DCDC1: variants seen among roughly 807,000 people sequenced by gnomAD.
DCDC1 encodes doublecortin domain-containing protein 1.
A neutral mutation model predicts 178.3 loss-of-function variants in DCDC1; 200 were observed. The ratio of observed to expected loss-of-function variants is 1.12; its 90% CI spans 1.00 to 1.26. DCDC1 has a LOEUF of 1.26. Ranked by LOEUF, DCDC1 falls within the 50% of genes most tolerant of loss-of-function variation. DCDC1 has a pLI of 0.00. For synonymous variants in DCDC1, 690 were observed against 604.8 expected (o/e 1.14, Z -2.07); for missense variants, 1,983 against 1,749.2 (o/e 1.13, Z -2.38).
intron 25 of DCDC1, among the ~76,000 whole-genome samples, chr11:30,918,821 C>T (rs902800043): frequency 6.6e-6 from 1 of 152,142 alleles, no homozygotes; most frequent in Non-Finnish European, 1.5e-5. Flanking sequence ...GTTTCCCCCA[C>T]TCTCTGTGTT....
intron 14 of DCDC1, among the ~76,000 whole-genome samples, chr11:31,103,210 T>C (rs1386703679): frequency 1.3e-5 from 2 of 152,194 alleles, no homozygotes; most frequent in African/African-American, 4.8e-5. Flanking sequence ...TTCCAACTCC[T>C]ACTCTTCACT....
intron 20 of DCDC1, among the ~76,000 whole-genome samples, chr11:30,963,273 G>C (rs76951664): frequency 0.031 from 4,736 of 152,210 alleles, 117 homozygotes; most frequent in Non-Finnish European, 0.046. Context: ...AGTAAAGACA[G>C]AGTTCGAGCT....
intron 9 of DCDC1, among the ~76,000 whole-genome samples, chr11:31,202,777 G>A (rs1971443595): frequency 6.6e-6 from 1 of 152,206 alleles, no homozygotes; most frequent in Admixed American, 6.5e-5. Context: ...TTTGTTGAGA[G>A]TTTGGGTCCT....
At chr11:31,040,259 T>C (rs1030300928) in intron 20 of DCDC1, among the ~76,000 whole-genome samples, 5 of 152,216 alleles carry the variant, frequency 3.3e-5, no homozygotes, top group African/African-American at 1.2e-4. Context: ...ACTCCTCCAG[T>C]CATCCCCCTG....
chr11:31,259,181 T>G (rs539415142), intron 8 of DCDC1, among the ~76,000 whole-genome samples: 170 of 151,990 alleles, frequency 1.1e-3, no homozygotes, highest in African/African-American at 4.0e-3. Flanking sequence ...TGAAACCCCA[T>G]CTCTACTAAA....
At chr11:31,168,533 T>C (rs1055487856) in intron 9 of DCDC1, among the ~76,000 whole-genome samples, 2 of 152,224 alleles carry the variant, frequency 1.3e-5, no homozygotes, top group African/African-American at 2.4e-5. Flanking sequence ...TTTACTGATA[T>C]GTTAAACCAA....
At chr11:30,971,615 T>G (rs994152424) in intron 20 of DCDC1, among the ~76,000 whole-genome samples, 94 of 140,674 alleles carry the variant, frequency 6.7e-4, no homozygotes, top group African/African-American at 2.3e-3. Context: ...TTTTTTTTTT[T>G]TTTTTTTTTT....
At chr11:31,152,128 A>T (rs906333910) in intron 9 of DCDC1, among the ~76,000 whole-genome samples, 4 of 152,126 alleles carry the variant, frequency 2.6e-5, no homozygotes, top group Non-Finnish European at 5.9e-5. Flanking sequence ...ACCTGGTTCA[A>T]TTTTTTCATT....
Position 30,899,691 on chromosome 11 carries a change from C to T in DCDC1, c.4664-49G>A, listed in dbSNP as rs112555614. On this transcript the variant is annotated intron_variant, in intron 33 of 38. Transcript: ENST00000684477. ...ATTTTATCAACAGTAATTTATCACGCGCACCAATAATTTATAAAGAACTTT... is the reference window on the plus strand; with the variant it reads ...ATTTTATCAACAGTAATTTATCACGTGCACCAATAATTTATAAAGAACTTT... 4,161 of 1,262,570 alleles carry T rather than the reference C, an allele frequency of 3.3e-3. 11 individuals carry two copies. Among genetic ancestry groups the T allele is most frequent in the Non-Finnish European group, 3.8e-3 (3,553 of 945,146 alleles). 78.2% of individuals were successfully genotyped at this position (1,262,570 alleles called of 1,614,324 possible).
intron 7 of DCDC1, chr11:31,281,077 G>T: frequency 2.3e-6 from 1 of 444,160 alleles, no homozygotes; most frequent in Non-Finnish European, 4.3e-6. Flanking sequence ...ATTGTCACTA[G>T]CATATAGAAT....
At chr11:31,302,313 G>C (rs569729481) in intron 6 of DCDC1, among the ~76,000 whole-genome samples, 3 of 152,260 alleles carry the variant, frequency 2.0e-5, no homozygotes, top group East Asian at 3.9e-4. Flanking sequence ...TCTGATCCAA[G>C]AATTTTCACT....
rs74663403 is a variant in DCDC1 at position 30,958,512 on chromosome 11, G to A, written c.2592-5944C>T. Among the ~76,000 whole-genome samples the A allele has an allele frequency of 8.9e-3, 1,353 of 152,276 alleles. 18 individuals are homozygous for A. The highest frequency in any genetic ancestry group is 0.03 in the African/African-American group (1,253 of 41,550). ...TATCTCCCAGAAGCAGTTGGCATCA[G>A]AGAATGAAAGAATGGCCCTGAAGTC... is the stretch of plus-strand genomic sequence containing the variant. On this transcript the variant is annotated intron_variant, in intron 20 of 38. Coordinates refer to ENST00000684477, the MANE Select transcript of DCDC1 (RefSeq NM_001387274.1).
chr11:31,161,704 A>T (rs1460759930), intron 9 of DCDC1, among the ~76,000 whole-genome samples: 1 of 152,182 alleles, frequency 6.6e-6, no homozygotes, highest in African/African-American at 2.4e-5. Context: ...TTGACTAAAA[A>T]GTGGTCTTTC....
chr11:31,296,170 T>G (rs1199815641), intron 6 of DCDC1, among the ~76,000 whole-genome samples: 1 of 152,206 alleles, frequency 6.6e-6, no homozygotes, highest in Non-Finnish European at 1.5e-5. Flanking sequence ...GTATCCTATG[T>G]GCCAGATTCT....
intron 21 of DCDC1, among the ~76,000 whole-genome samples, chr11:30,950,937 C>A (rs1948379775): frequency 6.6e-6 from 1 of 151,982 alleles, no homozygotes; most frequent in African/African-American, 2.4e-5. Context: ...TCATTACACA[C>A]TACATGATAT....
intron 20 of DCDC1, among the ~76,000 whole-genome samples, chr11:31,007,672 CT>C (rs916065043): frequency 1.4e-5 from 2 of 147,570 alleles, no homozygotes; most frequent in African/African-American, 2.5e-5. Flanking sequence ...CTTTTTTTTT[CT>C]TTTTTTTTGA....
chr11:31,285,305 TAAC>T (rs999171168), intron 7 of DCDC1, among the ~76,000 whole-genome samples: 19 of 152,246 alleles, frequency 1.2e-4, no homozygotes, highest in African/African-American at 4.6e-4. Context: ...AATTTTTAAA[TAAC>T]AAGTAATATC....
At chr11:31,222,237 T>C (rs1974355903) in intron 9 of DCDC1, among the ~76,000 whole-genome samples, 1 of 152,006 alleles carries the variant, frequency 6.6e-6, no homozygotes, top group Admixed American at 6.6e-5. Flanking sequence ...TAATTTTTTG[T>C]ATTTTTAGTG....
At chr11:30,881,616 C>G (rs1470506955) in intron 36 of DCDC1, among the ~76,000 whole-genome samples, 4 of 152,108 alleles carry the variant, frequency 2.6e-5, no homozygotes, top group African/African-American at 9.7e-5. Context: ...AAAATCTAGA[C>G]TTCTCAAATT....
Sources: allele counts gnomAD v4.1 joint callset (sites outside exome capture counted in the v4.1 genomes callset), GRCh38; gene constraint gnomAD v4.1.1; transcripts MANE v1.5; gene names NCBI Gene and HGNC (gene_info 2026-07-23, HGNC 2026-07-21).